The following GARIN2 variants were observed in gnomAD, a reference collection of about 807,000 sequenced individuals.
GARIN2 encodes Golgi-associated RAB2 interactor protein 2.
At chr14:67,215,196 T>C in the GARIN2 span, among the ~76,000 whole-genome samples, 1 of 152,082 alleles carries the variant, frequency 6.6e-6, no homozygotes, top group Non-Finnish European at 1.5e-5. Context: ...AGCCCTACAG[T>C]CAAAATAAGT....
the GARIN2 span, among the ~76,000 whole-genome samples, chr14:67,220,391 A>C: frequency 6.6e-6 from 1 of 152,142 alleles, no homozygotes; most frequent in African/African-American, 2.4e-5. Context: ...GCAAAGAGCC[A>C]TGATAGAGCC....
the GARIN2 span, among the ~76,000 whole-genome samples, chr14:67,220,066 A>C: frequency 3.3e-5 from 5 of 152,212 alleles, no homozygotes; most frequent in Non-Finnish European, 5.9e-5. Flanking sequence ...GTTGAAAAAT[A>C]AGTTATATAT....
At chr14:67,221,678 A>G in the GARIN2 span, 2 of 1,537,420 alleles carry the variant, frequency 1.3e-6, no homozygotes, top group South Asian at 1.2e-5. Flanking sequence ...CTACCCACAG[A>G]GCATTTAAAG....
At chr14:67,219,733 T>C in the GARIN2 span, among the ~76,000 whole-genome samples, 2 of 152,152 alleles carry the variant, frequency 1.3e-5, no homozygotes, top group African/African-American at 4.8e-5. Context: ...TCTTGAGAAT[T>C]AACAAATCTC....
At chr14:67,211,074 T>C in the GARIN2 span, among the ~76,000 whole-genome samples, 1 of 152,196 alleles carries the variant, frequency 6.6e-6, no homozygotes, top group Admixed American at 6.5e-5. Context: ...TCTATCTCAT[T>C]AGCTCTATGA....
the GARIN2 span, among the ~76,000 whole-genome samples, chr14:67,205,311 A>G: frequency 6.6e-6 from 1 of 152,204 alleles, no homozygotes; most frequent in African/African-American, 2.4e-5. Context: ...CATAAATCTT[A>G]GCCCAGCATC....
chr14:67,207,147 C>T, the GARIN2 span, among the ~76,000 whole-genome samples: 1 of 151,776 alleles, frequency 6.6e-6, no homozygotes. Flanking sequence ...TGTATTAGGC[C>T]ATTGTTGCAT....
the GARIN2 span, chr14:67,199,640 C>T: frequency 6.3e-7 from 1 of 1,577,790 alleles, no homozygotes; most frequent in East Asian, 2.2e-5. Context: ...AGCTGGACGA[C>T]TTCTGGCAGC....
chr14:67,214,568 G>T, the GARIN2 span, among the ~76,000 whole-genome samples: 13 of 152,232 alleles, frequency 8.5e-5, no homozygotes, highest in South Asian at 2.1e-3. Context: ...GGTTACTGTA[G>T]CCTTGTAGTA....
At chr14:67,195,712 GTT>G in the GARIN2 span, among the ~76,000 whole-genome samples, 25 of 101,748 alleles carry the variant, frequency 2.5e-4, no homozygotes, top group Non-Finnish European at 1.9e-4. Context: ...TTTCTTTTTG[GTT>G]GTGTGTGTGT....
the GARIN2 span, among the ~76,000 whole-genome samples, chr14:67,214,774 G>A: frequency 3.9e-5 from 6 of 152,084 alleles, no homozygotes; most frequent in East Asian, 1.9e-4. Context: ...CCATTTTCAC[G>A]ATATTGATTC....
the GARIN2 span, among the ~76,000 whole-genome samples, chr14:67,220,119 A>C: frequency 6.6e-6 from 1 of 152,178 alleles, no homozygotes; most frequent in Non-Finnish European, 1.5e-5. Context: ...GTGACACTTT[A>C]TAACTGTGTA....
At chr14:67,196,223 C>CTTTTTTT in the GARIN2 span, among the ~76,000 whole-genome samples, 1 of 143,118 alleles carries the variant, frequency 7.0e-6, no homozygotes. Flanking sequence ...TTCTTTCTTT[C>CTTTTTTT]TTTTTTTTTT....
the GARIN2 span, chr14:67,198,975 C>T: frequency 1.4e-6 from 1 of 703,564 alleles, no homozygotes; most frequent in South Asian, 1.5e-5. Flanking sequence ...ATTCGAGAAG[C>T]TGCTCAGCTG....
At chr14:67,225,926 AGTGTGTGTGTGTGTGT>A in the GARIN2 span, among the ~76,000 whole-genome samples, 1 of 136,720 alleles carries the variant, frequency 7.3e-6, no homozygotes, top group African/African-American at 2.7e-5. Context: ...TAATGCTGTG[AGTGTGTGTGTGTGTGT>A]GTGTGTGTGT....
the GARIN2 span, among the ~76,000 whole-genome samples, chr14:67,207,641 A>G: frequency 6.6e-6 from 1 of 152,202 alleles, no homozygotes; most frequent in Non-Finnish European, 1.5e-5. Flanking sequence ...CCTGCTGACC[A>G]ACTGCCTTGA....
At chr14:67,206,280 CCTG>C in the GARIN2 span, among the ~76,000 whole-genome samples, 1 of 152,130 alleles carries the variant, frequency 6.6e-6, no homozygotes, top group Non-Finnish European at 1.5e-5. Context: ...GGGCAGATCA[CCTG>C]AGGTCAGGAG....
chr14:67,211,165 A>G, the GARIN2 span, among the ~76,000 whole-genome samples: 2 of 152,222 alleles, frequency 1.3e-5, no homozygotes, highest in African/African-American at 4.8e-5. Flanking sequence ...TAGAATTGCT[A>G]TAAGGATTAA....
At chr14:67,189,847 T>TC in the GARIN2 span, 1 of 145,618 alleles carries the variant, frequency 6.9e-6, no homozygotes, top group East Asian at 2.0e-4. Flanking sequence ...ATTTTTTTTT[T>TC]TTTTTTTTTT....
Sources: gnomAD v4.1 joint callset for allele counts (sites outside exome capture counted in the v4.1 genomes callset) on GRCh38, gnomAD v4.1.1 for gene constraint, MANE v1.5 for transcripts, NCBI Gene and HGNC (gene_info 2026-07-23, HGNC 2026-07-21) for gene names.